Variants in ARHGEF10L observed in about 807,000 individuals in gnomAD.
ARHGEF10L encodes the protein Rho guanine nucleotide exchange factor 10 like, also known as rho guanine nucleotide exchange factor 10-like protein.
A neutral mutation model predicts 141.2 loss-of-function variants in ARHGEF10L; 69 were observed. The ratio of observed to expected loss-of-function variants is 0.49; its 90% CI spans 0.40 to 0.60. The LOEUF (loss-of-function observed/expected upper bound fraction) is 0.60, where lower values mean the gene tolerates loss of function less well. Ranked by LOEUF, ARHGEF10L falls within the 20% of genes least tolerant of loss-of-function variation. The probability of loss-of-function intolerance (pLI) is 0.00; values close to 1 mark genes in which losing one functional copy is unlikely to be tolerated. For synonymous variants in ARHGEF10L, 711 were observed against 718.5 expected, an observed-to-expected ratio of 0.99 and a Z score of 0.17; for missense variants, 1,482 against 1,734.3, an observed-to-expected ratio of 0.85 and a Z score of 2.58.
chr1:17,616,286 A>T, intron 9 of ARHGEF10L, 84 bp downstream of exon 9: 3 of 1,194,872 alleles, frequency 2.5e-6, no homozygotes, highest in Non-Finnish European at 3.7e-6. Flanking sequence ...TACACCCCAG[A>T]GGTCATGCTG....
At chr1:17,687,524 TCAGCTGG>T in intron 26 of ARHGEF10L, 42 bp from the exon 27 acceptor site, 1 of 1,603,782 alleles carries the variant, frequency 6.2e-7, no homozygotes, top group South Asian at 1.1e-5. Flanking sequence ...GTAGGGAGGC[TCAGCTGG>T]CAGGCCCAGC....
At position 17,623,087 on chromosome 1, in the gene ARHGEF10L, A is replaced by C. The variant is rs75699177; in HGVS notation, c.1112A>C (p.His371Pro). Reference sequence around the variant, plus strand: ...TTCTTCCGCGTGAAGGAGATCCTGCACTGCCACTCCATGTTCCAGATCGCC... The same window carrying C: ...TTCTTCCGCGTGAAGGAGATCCTGCCCTGCCACTCCATGTTCCAGATCGCC... ...VVFFRVKEIL[H>P]CHSMFQIALS... The change falls in exon 12 of 29, where the codon CAC becomes CCC. Residue 371 changes from histidine to proline, a missense_variant. This residue lies in a region of ARHGEF10L where 392 missense variants were observed against 542.1 expected (regional missense o/e 0.72). Coordinates refer to ENST00000361221, the MANE Select transcript of ARHGEF10L (RefSeq NM_018125.4). The surrounding 1 kb of genome is among the most constrained non-coding windows in gnomAD (Gnocchi z 4.7). 6.2e-7 allele frequency: 1 copy of C among 1,614,156 alleles called. No homozygotes were observed. The highest frequency in any genetic ancestry group is 8.5e-7 in the Non-Finnish European group (1 of 1,180,020).
chr1:17,596,115 C>G (rs1027971891), intron 4 of ARHGEF10L, among the ~76,000 whole-genome samples: 3 of 152,244 alleles, frequency 2.0e-5, no homozygotes, highest in African/African-American at 7.2e-5. Context: ...AGGGAGCTTA[C>G]CCCTGACCAA....
Position 17,656,757 on chromosome 1 carries a change from T to C in ARHGEF10L, c.2860+49T>C. 1.9e-6 allele frequency: 3 copies of C among 1,575,616 alleles called. No individual in the cohort carries two copies. Among genetic ancestry groups the C allele is most frequent in the Non-Finnish European group, 2.6e-6 (3 of 1,156,700 alleles). The stretch of plus-strand genomic sequence containing the variant: ...AAGGGGGGCAGTCCTGGATGCCAGC[T>C]GGGTGCCAGATTCTCTACCAAGAGA... On this transcript the variant is annotated intron_variant, in intron 25 of 28. Transcript: ENST00000361221. This position sits in a 1 kb window ranked among gnomAD's most constrained non-coding sequence, Gnocchi z 4.9.
chr1:17,631,741 A>G (rs998526388), intron 15 of ARHGEF10L, among the ~76,000 whole-genome samples: 4 of 152,244 alleles, frequency 2.6e-5, no homozygotes, highest in African/African-American at 9.6e-5. Context: ...ATGTTCTGCC[A>G]TGGTCATCTT....
At chr1:17,571,530 A>C (rs1333970186) in intron 1 of ARHGEF10L, among the ~76,000 whole-genome samples, 1 of 152,024 alleles carries the variant, frequency 6.6e-6, no homozygotes, top group African/African-American at 2.4e-5. Context: ...GTATTTATTC[A>C]TTTATTTATT....
chr1:17,674,721 T>C (rs1396450706), intron 26 of ARHGEF10L, among the ~76,000 whole-genome samples: 3 of 152,202 alleles, frequency 2.0e-5, no homozygotes, highest in Non-Finnish European at 4.4e-5. Context: ...ACCACACATA[T>C]TATGATGGTC....
chr1:17,663,692 T>A (rs2062786314), intron 25 of ARHGEF10L, among the ~76,000 whole-genome samples: 1 of 152,068 alleles, frequency 6.6e-6, no homozygotes, highest in Non-Finnish European at 1.5e-5. Context: ...AAATCAAGAT[T>A]CAGTCTAGAT....
the ARHGEF10L span, among the ~76,000 whole-genome samples, chr1:17,533,462 G>A: frequency 6.6e-6 from 1 of 152,162 alleles, no homozygotes; most frequent in Non-Finnish European, 1.5e-5. Context: ...GAGCCACTGT[G>A]CCGGCTTGCT....
chr1:17,523,639 C>T, the ARHGEF10L span, among the ~76,000 whole-genome samples: 1 of 152,214 alleles, frequency 6.6e-6, no homozygotes, highest in Non-Finnish European at 1.5e-5. Flanking sequence ...GTTCATGGCA[C>T]AGCCAAGACT....
At chr1:17,689,688 G>C (rs1286999040) in intron 27 of ARHGEF10L, 1 of 427,160 alleles carries the variant, frequency 2.3e-6, no homozygotes, top group African/African-American at 2.2e-5. Flanking sequence ...TTTTAACTAC[G>C]ATAAAAATGT....
At chr1:17,611,351 A>G (rs1158285773) in intron 7 of ARHGEF10L, among the ~76,000 whole-genome samples, 1 of 152,324 alleles carries the variant, frequency 6.6e-6, no homozygotes, top group East Asian at 1.9e-4. Context: ...GCATAACAAT[A>G]TTGAACATTT....
chr1:17,672,907 T>C (rs2063412579), intron 26 of ARHGEF10L, among the ~76,000 whole-genome samples: 1 of 152,022 alleles, frequency 6.6e-6, no homozygotes, highest in Non-Finnish European at 1.5e-5. Context: ...TCTCAAGGCA[T>C]GTCTTGTGGG....
intron 26 of ARHGEF10L, among the ~76,000 whole-genome samples, chr1:17,665,132 C>T (rs2062890520): frequency 2.0e-5 from 3 of 152,216 alleles, no homozygotes; most frequent in South Asian, 2.1e-4. Context: ...ACTGCCCGCT[C>T]ACCTTCACAC....
At chr1:17,579,243 ACTCCTGACCTGAAGTGATCCGCCCAC>A (rs555364990) in intron 1 of ARHGEF10L, among the ~76,000 whole-genome samples, 123 of 152,000 alleles carry the variant, frequency 8.1e-4, no homozygotes, top group Non-Finnish European at 1.3e-3. Context: ...CTGGTCTCGA[ACTCCTGACCTGAAGTGATCCGCCCAC>A]CTCAGCCTCC....
Position 17,632,461 on chromosome 1 carries a change from C to A in ARHGEF10L, c.1725C>A (p.Asn575Lys). The change falls in exon 16 of 29, where the codon AAC (asparagine) becomes AAA (lysine). Residue 575 changes from asparagine to lysine, a missense_variant. Physicochemically the swap from Asn to Lys is moderately conservative, Grantham distance 94 (BLOSUM62 0). This residue lies in a region of ARHGEF10L where 858 missense variants were observed against 966.3 expected (regional missense o/e 0.89). Transcript: ENST00000361221. ...LNDMLVCANI[N>K]FKPANHRGQL... ...ACATGCTTGTCTGTGCCAACATCAA[C>A]TTCAAGTAAGTGGGCCTGGGTTGGA... 6.2e-7 allele frequency: 1 copy of A among 1,614,170 alleles called. No homozygotes were observed. Among genetic ancestry groups the A allele is most frequent in the Non-Finnish European group, 8.5e-7 (1 of 1,180,008 alleles).
intron 26 of ARHGEF10L, among the ~76,000 whole-genome samples, chr1:17,678,099 C>T (rs976981683): frequency 6.6e-6 from 1 of 152,066 alleles, no homozygotes; most frequent in African/African-American, 2.4e-5. Context: ...TTCACCGGGT[C>T]CCCAGGGTGG....
upstream of ARHGEF10L, among the ~76,000 whole-genome samples, chr1:17,538,537 CGTGGCCTGT>C (rs1557680485): frequency 6.6e-6 from 1 of 152,030 alleles, no homozygotes; most frequent in East Asian, 1.9e-4. Flanking sequence ...GATTTCAGTG[CGTGGCCTGT>C]GTGGCTTGTC....
intron 2 of ARHGEF10L, among the ~76,000 whole-genome samples, chr1:17,585,805 C>T (rs1185819399): frequency 6.6e-6 from 1 of 152,168 alleles, no homozygotes; most frequent in Non-Finnish European, 1.5e-5. Context: ...CAGCCACCTC[C>T]TCACCCATCA....
Sources: gnomAD v4.1 joint callset for allele counts (sites outside exome capture counted in the v4.1 genomes callset) on GRCh38, gnomAD v4.1.1 for gene constraint, gnomAD v4.1.1 regional missense constraint, Gnocchi (gnomAD v3.1) non-coding constraint, MANE v1.5 for transcripts, NCBI Gene and HGNC (gene_info 2026-07-23, HGNC 2026-07-21) for gene names.